Variants in TMC7 observed in about 807,000 individuals in gnomAD.
The protein encoded by TMC7 is transmembrane channel like 7.
TMC7 carries 54 observed loss-of-function variants against 82.9 expected under a neutral mutation model. That is an observed-to-expected ratio of 0.65 (90% CI 0.52 to 0.82). The LOEUF (loss-of-function observed/expected upper bound fraction) is 0.82. Among genes scored for constraint, TMC7 ranks in the 40% least tolerant of loss-of-function variants. TMC7 has a pLI of 0.00. For missense variants in TMC7, 820 were observed against 901.2 expected (o/e 0.91, Z 1.15); for synonymous variants, 350 against 337.9 (o/e 1.04, Z -0.39).
chr16:18,997,431 G>A (rs527564896), intron 1 of TMC7, among the ~76,000 whole-genome samples: 18 of 151,976 alleles, frequency 1.2e-4, no homozygotes, highest in Non-Finnish European at 2.2e-4. Flanking sequence ...GTGCAGTGGT[G>A]TGATCTCGGC....
At chr16:19,047,335 T>TC in intron 12 of TMC7, 86 bp downstream of exon 12, 1 of 1,156,408 alleles carries the variant, frequency 8.6e-7, no homozygotes, top group South Asian at 1.5e-5. Flanking sequence ...TCACCTCACA[T>TC]CCCATGAGAC....
At chr16:19,053,053 T>C (rs1961608339) in intron 13 of TMC7, among the ~76,000 whole-genome samples, 1 of 152,158 alleles carries the variant, frequency 6.6e-6, no homozygotes, top group East Asian at 1.9e-4. Flanking sequence ...TGTATGTGTT[T>C]TGTTGCTCTT....
chr16:19,035,076 A>G (rs1960684833), intron 6 of TMC7, among the ~76,000 whole-genome samples: 1 of 152,220 alleles, frequency 6.6e-6, no homozygotes, highest in African/African-American at 2.4e-5. Flanking sequence ...CACATACACC[A>G]TGGAATACTA....
intron 1 of TMC7, among the ~76,000 whole-genome samples, chr16:18,986,371 G>A (rs2038848878): frequency 6.7e-6 from 1 of 150,250 alleles, no homozygotes; most frequent in African/African-American, 2.5e-5. Context: ...CTCCAGCCTG[G>A]GTGACAGAGA....
chr16:19,005,419 A>G (rs769373364), intron 1 of TMC7, among the ~76,000 whole-genome samples: 2 of 152,180 alleles, frequency 1.3e-5, no homozygotes, highest in African/African-American at 2.4e-5. Flanking sequence ...GGCCTGGTAC[A>G]AGGTAGGCAA....
chr16:19,055,029 C>T (rs1458444447), intron 13 of TMC7, among the ~76,000 whole-genome samples: 2 of 151,554 alleles, frequency 1.3e-5, no homozygotes, highest in African/African-American at 4.8e-5. Context: ...ATTATAGGCA[C>T]AAGCCACCGC....
intron 15 of TMC7, chr16:19,060,075 TG>T (rs1961938650): frequency 5.8e-6 from 1 of 173,460 alleles, no homozygotes; most frequent in Non-Finnish European, 1.2e-5. Flanking sequence ...ACAAAGCTGC[TG>T]GGTAGTTAAT....
At chr16:18,990,880 C>T (rs1028627918) in intron 1 of TMC7, among the ~76,000 whole-genome samples, 1 of 152,090 alleles carries the variant, frequency 6.6e-6, no homozygotes, top group Non-Finnish European at 1.5e-5. Context: ...TCAGTTAAGG[C>T]TGTTTTCACT....
intron 1 of TMC7, chr16:18,984,491 G>A (rs2038808829): frequency 1.9e-6 from 2 of 1,069,934 alleles, no homozygotes; most frequent in African/African-American, 3.3e-5. Context: ...GGTATGAGGT[G>A]CCTGCCTCCC....
chr16:18,983,968 G>T lies in TMC7; in HGVS notation c.-96G>T. 1 of 1,276,346 alleles carries T rather than the reference G, an allele frequency of 7.8e-7. No homozygotes were observed. Among genetic ancestry groups the T allele is most frequent in the Non-Finnish European group, 1.0e-6 (1 of 995,956 alleles). The allele number at this position is 1,276,346 out of a possible 1,614,324, so 79.1% of individuals were successfully genotyped here. A position where few individuals can be genotyped will look rare whatever the true frequency, so the allele number is the denominator to read the frequency against. On this transcript the variant is annotated 5_prime_UTR_variant, in exon 1 of 16. Transcript: ENST00000304381. Reference sequence around the variant, plus strand: ...TCTGTGATGTCAGCGCCGGAACCTGGAATCCCGGCTCCGCGAGGGAAGGCC... The same window carrying T: ...TCTGTGATGTCAGCGCCGGAACCTGTAATCCCGGCTCCGCGAGGGAAGGCC...
At chr16:18,995,454 AGG>A (rs2039027761) in intron 1 of TMC7, among the ~76,000 whole-genome samples, 1 of 152,170 alleles carries the variant, frequency 6.6e-6, no homozygotes, top group African/African-American at 2.4e-5. Flanking sequence ...CCAGAGTTCC[AGG>A]GGCTCTGGGA....
At chr16:18,988,021 GT>G (rs1462898760) in intron 1 of TMC7, among the ~76,000 whole-genome samples, 15 of 152,176 alleles carry the variant, frequency 9.9e-5, no homozygotes, top group Non-Finnish European at 1.5e-4. Flanking sequence ...GCTGGACCTT[GT>G]TTTTAGAGAC....
chr16:19,038,014 A>G lies in TMC7; in HGVS notation c.1146A>G (p.Val382=), dbSNP rs372380488. The change falls in exon 8 of 16, where the codon GTA becomes GTG. Residue 382 remains valine (V), a synonymous_variant. Transcript: ENST00000304381. ...VLGACFYAIY[V]ATVFSQEHMK... is the part of the protein sequence containing the mutation. ...GGGCATGCTTTTATGCAATATACGT[A>G]GCAACTGTCTTCTCGCAAGAGCACA... 5.1e-5 allele frequency: 82 copies of G among 1,613,848 alleles called. No individual in the cohort carries two copies. The African/African-American group carries it at 9.6e-4, about 19-fold the overall frequency.
Position 19,061,855 on chromosome 16 carries a change from G to T in TMC7, c.*12G>T. ...ACATGAGGAACTAACTAGACTGAGC[G>T]TGAAGATGGTGCTGCCTGTTGCTTC... On this transcript the variant is annotated 3_prime_UTR_variant, in exon 16 of 16. Coordinates refer to ENST00000304381, the MANE Select transcript of TMC7 (RefSeq NM_024847.4). 6.2e-7 allele frequency: 1 copy of T among 1,611,566 alleles called. No individual in the cohort carries two copies. The highest frequency in any genetic ancestry group is 1.3e-5 in the African/African-American group (1 of 74,996).
chr16:19,020,196 T>G (rs1407096908), intron 3 of TMC7, among the ~76,000 whole-genome samples: 1 of 152,170 alleles, frequency 6.6e-6, no homozygotes, highest in Non-Finnish European at 1.5e-5. Context: ...TTAATTTTGA[T>G]TTTAAAAACC....
chr16:19,007,943 A>C (rs1005137393), intron 1 of TMC7, among the ~76,000 whole-genome samples: 2 of 152,158 alleles, frequency 1.3e-5, no homozygotes, highest in Non-Finnish European at 2.9e-5. Context: ...GACATATGGT[A>C]GATAGAGTTG....
intron 8 of TMC7, among the ~76,000 whole-genome samples, chr16:19,039,592 A>T (rs527746577): frequency 6.6e-6 from 1 of 152,274 alleles, no homozygotes; most frequent in South Asian, 2.1e-4. Flanking sequence ...GAGGCTAGGA[A>T]ATTTACTTTT....
At chr16:19,044,229 G>A (rs1165584367) in intron 9 of TMC7, among the ~76,000 whole-genome samples, 1 of 152,070 alleles carries the variant, frequency 6.6e-6, no homozygotes, top group African/African-American at 2.4e-5. Context: ...GAGTACAGTG[G>A]CTGAATCTCC....
chr16:18,997,154 C>T (rs1451890157), intron 1 of TMC7, among the ~76,000 whole-genome samples: 4 of 152,098 alleles, frequency 2.6e-5, no homozygotes, highest in Non-Finnish European at 5.9e-5. Flanking sequence ...GACAGGGGAC[C>T]GGTCTCCCGA....
Sources: allele counts gnomAD v4.1 joint callset (sites outside exome capture counted in the v4.1 genomes callset), GRCh38; gene constraint gnomAD v4.1.1; transcripts MANE v1.5; gene names NCBI Gene and HGNC (gene_info 2026-07-23, HGNC 2026-07-21).